The following CCDC30 variants were observed in gnomAD, a reference collection of about 807,000 sequenced individuals.
CCDC30 encodes coiled-coil domain-containing protein 30.
A neutral mutation model predicts 100.2 loss-of-function variants in CCDC30; 70 were observed. The observed-to-expected ratio is 0.70, with a 90% CI of 0.58 to 0.85. CCDC30 has a LOEUF of 0.85. Among genes scored for constraint, CCDC30 ranks in the 40% least tolerant of loss-of-function variants. The pLI is 0.00. For missense variants in CCDC30, 652 were observed against 771.2 expected (o/e 0.85, Z 1.83); for synonymous variants, 233 against 269.5 (o/e 0.86, Z 1.33).
At chr1:42,477,791 T>A (rs1196844023) in intron 1 of CCDC30, among the ~76,000 whole-genome samples, 1 of 151,984 alleles carries the variant, frequency 6.6e-6, no homozygotes, top group East Asian at 1.9e-4. Flanking sequence ...ACTAGGAAAA[T>A]TCAGGGGAGG....
chr1:42,524,099 T>C (rs974871448), intron 6 of CCDC30, among the ~76,000 whole-genome samples: 1 of 149,400 alleles, frequency 6.7e-6, no homozygotes. Flanking sequence ...CTGTTGGTTT[T>C]GTTTTCTTTT....
At chr1:42,475,508 T>G (rs1643872595) in intron 1 of CCDC30, among the ~76,000 whole-genome samples, 1 of 152,182 alleles carries the variant, frequency 6.6e-6, no homozygotes, top group Non-Finnish European at 1.5e-5. Flanking sequence ...TTTGTGGGCA[T>G]GTCATTTTAA....
Position 42,646,973 on chromosome 1 carries a change from G to A in CCDC30, c.1854+656G>A, listed in dbSNP as rs1001687074. Among the ~76,000 whole-genome samples, 59 of 152,068 alleles carry A rather than the reference G, an allele frequency of 3.9e-4. 1 individual carries two copies. Among genetic ancestry groups the A allele is most frequent in the Non-Finnish European group, 1.5e-5 (1 of 68,020 alleles). On this transcript the variant is annotated intron_variant, in intron 15 of 16. Coordinates refer to ENST00000668663, the Ensembl canonical transcript of CCDC30. ...AAATTAGCTGGGCGTGGTGGTATGT[G>A]CTTGTAATCCCAGTTACTCAGGAGG...
At chr1:42,486,668 T>C (rs993748528) in intron 3 of CCDC30, among the ~76,000 whole-genome samples, 4 of 152,218 alleles carry the variant, frequency 2.6e-5, no homozygotes, top group Non-Finnish European at 5.9e-5. Context: ...CTTTGCCCTA[T>C]GCATCCTTTC....
the CCDC30 span, chr1:42,456,600 A>G: frequency 2.6e-6 from 4 of 1,512,320 alleles, no homozygotes; most frequent in Non-Finnish European, 1.8e-6. Flanking sequence ...GAGTTCCCCC[A>G]GCCTCCCGGT....
At chr1:42,500,878 C>T (rs984429638) in intron 6 of CCDC30, among the ~76,000 whole-genome samples, 10 of 152,086 alleles carry the variant, frequency 6.6e-5, no homozygotes, top group Non-Finnish European at 1.0e-4. Flanking sequence ...ATGCATAAGC[C>T]GCTACACCTG....
At chr1:42,574,771 C>T (rs1645799409) in intron 7 of CCDC30, among the ~76,000 whole-genome samples, 1 of 152,124 alleles carries the variant, frequency 6.6e-6, no homozygotes, top group South Asian at 2.1e-4. Flanking sequence ...AAATACCAAT[C>T]CCAGCCACTT....
chr1:42,572,448 G>A (rs1377756216), intron 7 of CCDC30, among the ~76,000 whole-genome samples: 1 of 152,030 alleles, frequency 6.6e-6, no homozygotes, highest in African/African-American at 2.4e-5. Flanking sequence ...CATCGACTCT[G>A]TGGCTTGCAT....
intron 6 of CCDC30, among the ~76,000 whole-genome samples, chr1:42,507,466 C>T (rs944621376): frequency 1.3e-5 from 2 of 152,070 alleles, no homozygotes; most frequent in African/African-American, 4.8e-5. Flanking sequence ...ATAATCTTTC[C>T]ATAACTTGCT....
rs1287534116 is a variant in CCDC30, at chr1:42,636,387, CAG to C, written c.1278-847_1278-846del. Among the ~76,000 whole-genome samples, 5 of 152,122 alleles carry C rather than the reference CAG, an allele frequency of 3.3e-5. No homozygotes were observed. In the East Asian group the frequency reaches 9.7e-4, roughly 29 times the overall value. ...TACCACTGCACTCCAGCCTGGGTGACAGAGTGAGACCCTGTCTCAAAAGAAGA... is the reference window on the plus strand; with the variant it reads ...TACCACTGCACTCCAGCCTGGGTGACAGTGAGACCCTGTCTCAAAAGAAGA... On this transcript the variant is annotated intron_variant, in intron 11 of 16. Transcript: ENST00000668663.
At chr1:42,578,709 AC>A (rs1645895668) in intron 8 of CCDC30, among the ~76,000 whole-genome samples, 1 of 152,236 alleles carries the variant, frequency 6.6e-6, no homozygotes, top group African/African-American at 2.4e-5. Context: ...TAACACTTCT[AC>A]TAGGCATAAG....
chr1:42,456,296 C>A, the CCDC30 span: 1 of 595,324 alleles, frequency 1.7e-6, no homozygotes. Flanking sequence ...ATGGCCAGTT[C>A]TTCACCCAGG....
At chr1:42,598,565 C>T (rs1646339002) in intron 10 of CCDC30, among the ~76,000 whole-genome samples, 2 of 151,964 alleles carry the variant, frequency 1.3e-5, no homozygotes, top group Admixed American at 6.6e-5. Flanking sequence ...GCAGAAAAAG[C>T]ATGGAAGACA....
chr1:42,491,392 C>T (rs946274699), intron 4 of CCDC30, among the ~76,000 whole-genome samples: 5 of 151,496 alleles, frequency 3.3e-5, no homozygotes, highest in African/African-American at 1.2e-4. Context: ...TTTGTGGAAT[C>T]TAAAAATCAA....
At chr1:42,641,262 G>T (rs1005152595) in intron 12 of CCDC30, among the ~76,000 whole-genome samples, 1 of 122,450 alleles carries the variant, frequency 8.2e-6, no homozygotes, top group African/African-American at 3.2e-5. Flanking sequence ...TGTGTGTGTG[G>T]AGACGGGGTC....
At chr1:42,650,639 C>T in intron 15 of CCDC30, among the ~76,000 whole-genome samples, 1 of 151,658 alleles carries the variant, frequency 6.6e-6, no homozygotes, top group East Asian at 1.9e-4. Context: ...CAAACCCACA[C>T]ATTTAAAATT....
rs575019045 is a variant in CCDC30 at position 42,545,585 on chromosome 1, T to C, written c.457-20711T>C. 5.6e-6 allele frequency: 9 copies of C among 1,597,982 alleles called. No individual in the cohort carries two copies. Among genetic ancestry groups the C allele is most frequent in the African/African-American group, 5.4e-5 (4 of 73,700 alleles). ...GAAGAGACAGAGGAACTCTGGTAAA[T>C]TGGGAAAATCCTATATCACATTAAT... On this transcript the variant is annotated intron_variant, in intron 6 of 16. Transcript: ENST00000668663.
intron 6 of CCDC30, among the ~76,000 whole-genome samples, chr1:42,559,130 G>C (rs188346752): frequency 6.6e-6 from 1 of 152,140 alleles, no homozygotes; most frequent in Non-Finnish European, 1.5e-5. Context: ...CGCTGCAAGA[G>C]CTCCTGAAAG....
At chr1:42,492,156 TA>T in intron 4 of CCDC30, 1 of 250,338 alleles carries the variant, frequency 4.0e-6, no homozygotes, top group Non-Finnish European at 7.9e-6. Flanking sequence ...TTGATTTTAC[TA>T]AAAAACACAA....
Sources: allele counts gnomAD v4.1 joint callset (sites outside exome capture counted in the v4.1 genomes callset), GRCh38; gene constraint gnomAD v4.1.1; transcripts MANE v1.5; gene names NCBI Gene and HGNC (gene_info 2026-07-23, HGNC 2026-07-21).